Variants in ADGRL2 observed in about 807,000 individuals in gnomAD.
ADGRL2 encodes the protein calcium-independent alpha-latrotoxin receptor 2.
Under a neutral mutation model 157.4 loss-of-function variants are expected in ADGRL2, and 44 were observed. That is an observed-to-expected ratio of 0.28 (90% CI 0.22 to 0.36). ADGRL2 has a LOEUF of 0.36. Ranked by LOEUF, ADGRL2 falls within the 10% of genes least tolerant of loss-of-function variation. ADGRL2 has a pLI of 1.00. For missense variants in ADGRL2, 1,510 were observed against 1,768.9 expected, an observed-to-expected ratio of 0.85 and a Z score of 2.63; for synonymous variants, 585 against 624.7, an observed-to-expected ratio of 0.94 and a Z score of 0.95.
At chr1:81,548,011 G>C (rs527749288) in intron 2 of ADGRL2, among the ~76,000 whole-genome samples, 3 of 152,118 alleles carry the variant, frequency 2.0e-5, no homozygotes, top group African/African-American at 7.2e-5. Flanking sequence ...CATTTTCAGC[G>C]TAGAAAATCA....
chr1:81,465,170 C>T (rs1274950461), intron 2 of ADGRL2, among the ~76,000 whole-genome samples: 1 of 151,906 alleles, frequency 6.6e-6, no homozygotes, highest in Non-Finnish European at 1.5e-5. Flanking sequence ...AATTTGATTT[C>T]CTATAGTTAC....
intron 1 of ADGRL2, among the ~76,000 whole-genome samples, chr1:81,344,060 T>C (rs1317151353): frequency 6.6e-6 from 1 of 152,072 alleles, no homozygotes; most frequent in Non-Finnish European, 1.5e-5. Flanking sequence ...GGTCATTATA[T>C]TACAAAGAAA....
At chr1:81,443,778 A>G (rs1465993745) in intron 1 of ADGRL2, among the ~76,000 whole-genome samples, 2 of 152,226 alleles carry the variant, frequency 1.3e-5, no homozygotes, top group Non-Finnish European at 2.9e-5. Context: ...TGCTTGCAAA[A>G]TATTTTTTAT....
At chr1:81,813,474 G>A (rs969294432) in intron 1 of ADGRL2, among the ~76,000 whole-genome samples, 1 of 151,616 alleles carries the variant, frequency 6.6e-6, no homozygotes, top group Admixed American at 6.6e-5. Flanking sequence ...TTAATAAAGA[G>A]ATTTGTGGTA....
intron 2 of ADGRL2, among the ~76,000 whole-genome samples, chr1:81,900,484 G>A (rs550112781): frequency 6.6e-6 from 1 of 152,102 alleles, no homozygotes; most frequent in East Asian, 1.9e-4. Flanking sequence ...TTGGAGTAGA[G>A]AGTGGAAACT....
At chr1:81,746,586 CA>C (rs2085253970) in intron 1 of ADGRL2, among the ~76,000 whole-genome samples, 2 of 152,038 alleles carry the variant, frequency 1.3e-5, no homozygotes, top group Non-Finnish European at 1.5e-5. Flanking sequence ...CCACCACGCC[CA>C]GCTGTAACAA....
At chr1:81,539,007 C>CAAA (rs71242586) in intron 2 of ADGRL2, among the ~76,000 whole-genome samples, 29 of 82,354 alleles carry the variant, frequency 3.5e-4, no homozygotes, top group African/African-American at 4.0e-4. Flanking sequence ...GACCCTGTCT[C>CAAA]AAAAAAAAAA....
intron 2 of ADGRL2, among the ~76,000 whole-genome samples, chr1:81,515,812 T>A (rs1236694552): frequency 6.6e-6 from 1 of 152,202 alleles, no homozygotes; most frequent in Non-Finnish European, 1.5e-5. Context: ...CAGCACATAC[T>A]GTCAGTGGCA....
chr1:81,956,400 A>G (rs560848194), intron 11 of ADGRL2, among the ~76,000 whole-genome samples: 2 of 152,344 alleles, frequency 1.3e-5, no homozygotes, highest in Admixed American at 6.5e-5. Context: ...ATCGTTTTAT[A>G]TAATATGTTC....
intron 1 of ADGRL2, among the ~76,000 whole-genome samples, chr1:81,341,897 A>G (rs1662102443): frequency 1.3e-5 from 2 of 152,168 alleles, no homozygotes; most frequent in East Asian, 1.9e-4. Context: ...CTAGGTTTTT[A>G]TATTTCCTTT....
chr1:81,850,746 T>C (rs1433603136), intron 2 of ADGRL2, among the ~76,000 whole-genome samples: 1 of 150,782 alleles, frequency 6.6e-6, no homozygotes, highest in Non-Finnish European at 1.5e-5. Context: ...GAAATGTGAC[T>C]AATGTGACTG....
At chr1:81,892,255 T>C (rs970502555) in intron 2 of ADGRL2, among the ~76,000 whole-genome samples, 5 of 152,062 alleles carry the variant, frequency 3.3e-5, no homozygotes, top group Admixed American at 3.3e-4. Flanking sequence ...GAATTACTTT[T>C]CACTGTAAAA....
intron 1 of ADGRL2, among the ~76,000 whole-genome samples, chr1:81,430,622 C>A (rs921361423): frequency 1.3e-5 from 2 of 152,174 alleles, no homozygotes; most frequent in African/African-American, 2.4e-5. Flanking sequence ...CCCAGCCCCC[C>A]ACTGATGTTA....
At chr1:81,402,986 A>C (rs1337968990) in intron 1 of ADGRL2, among the ~76,000 whole-genome samples, 4 of 152,248 alleles carry the variant, frequency 2.6e-5, no homozygotes, top group Admixed American at 1.3e-4. Context: ...CTTTCAGTAT[A>C]GTGGAGAAGA....
At chr1:81,679,670 T>C (rs2083068744) in intron 3 of ADGRL2, among the ~76,000 whole-genome samples, 1 of 152,206 alleles carries the variant, frequency 6.6e-6, no homozygotes, top group Non-Finnish European at 1.5e-5. Flanking sequence ...CTTTTCTTGC[T>C]TTCTCCTTTT....
intron 1 of ADGRL2, among the ~76,000 whole-genome samples, chr1:81,816,057 A>T (rs1490685762): frequency 6.6e-6 from 1 of 151,888 alleles, no homozygotes; most frequent in Non-Finnish European, 1.5e-5. Flanking sequence ...TAGTGCAAGC[A>T]TCACTTAAGT....
intron 1 of ADGRL2, among the ~76,000 whole-genome samples, chr1:81,719,989 A>T (rs1162523111): frequency 6.6e-6 from 1 of 152,108 alleles, no homozygotes; most frequent in Non-Finnish European, 1.5e-5. Context: ...TTTAGAAACA[A>T]ATCTATTTTA....
rs750193100 is a variant in ADGRL2, at chr1:81,985,249, G to C, written c.3412-10G>C. On this transcript the variant is annotated splice_polypyrimidine_tract_variant and intron_variant, in intron 20 of 23. Coordinates refer to ENST00000686636, the MANE Select transcript of ADGRL2 (RefSeq NM_001366006.2). ...CAAAACATATTTGTCTTGCTGTTTT[G>C]TATTAATAGAGTCGTATAAGAAGAA... The C allele has an allele frequency of 1.1e-5, 17 of 1,482,116 alleles. No individual in the cohort carries two copies. The highest frequency in any genetic ancestry group is 1.6e-5 in the Non-Finnish European group (17 of 1,067,560). The allele number at this position is 1,482,116 out of a possible 1,614,324, so 91.8% of individuals were successfully genotyped here. A position where few individuals can be genotyped will look rare whatever the true frequency, so the allele number is the denominator to read the frequency against.
chr1:81,981,549 G>A (rs1215424200), intron 18 of ADGRL2, among the ~76,000 whole-genome samples: 1 of 151,930 alleles, frequency 6.6e-6, no homozygotes, highest in East Asian at 1.9e-4. Context: ...GTTACACGTT[G>A]TATTTTAATA....
Sources: gnomAD v4.1 joint callset for allele counts (sites outside exome capture counted in the v4.1 genomes callset) on GRCh38, gnomAD v4.1.1 for gene constraint, MANE v1.5 for transcripts, NCBI Gene and HGNC (gene_info 2026-07-23, HGNC 2026-07-21) for gene names.